Variants in KCND1 observed in about 807,000 individuals in gnomAD.
The protein encoded by KCND1 is A-type voltage-gated potassium channel KCND1.
Under a neutral mutation model 31.8 loss-of-function variants are expected in KCND1, and 11 were observed. The observed-to-expected ratio is 0.35, with a 90% CI of 0.22 to 0.57. The LOEUF (loss-of-function observed/expected upper bound fraction) is 0.57. KCND1 is among the 20% of genes least tolerant of loss of function. The probability of loss-of-function intolerance (pLI) is 0.85; values close to 1 mark genes in which losing one functional copy is unlikely to be tolerated. For missense variants in KCND1, 471 were observed against 596.8 expected, an observed-to-expected ratio of 0.79 and a Z score of 2.20; for synonymous variants, 234 against 248.1, an observed-to-expected ratio of 0.94 and a Z score of 0.53.
intron 5 of KCND1, among the ~76,000 whole-genome samples, chrX:48,964,325 T>C (rs1430944317): frequency 9.0e-6 from 1 of 111,413 alleles, no homozygotes; most frequent in African/African-American, 3.3e-5. Flanking sequence ...GAGACCAGCC[T>C]GGCCAACATG....
chrX:48,966,446 C>A, intron 4 of KCND1, 132 bp downstream of exon 4: 1 of 998,903 alleles, frequency 1.0e-6, no homozygotes, highest in South Asian at 2.3e-5. Context: ...GCTTGGCTCT[C>A]CTGTAGCCTC....
At position 48,970,583 on chromosome X, in the gene KCND1, A is replaced by C; in HGVS notation, c.-312T>G. On this transcript the variant is annotated 5_prime_UTR_variant, in exon 1 of 6. Coordinates refer to ENST00000218176, the MANE Select transcript of KCND1 (RefSeq NM_004979.6). Reference sequence around the variant, plus strand: ...AGGAGCTGAGGGAGGGTTTAGAGAGACTGAGATGATTCTAAAGGAGTCAGC... The same window carrying C: ...AGGAGCTGAGGGAGGGTTTAGAGAGCCTGAGATGATTCTAAAGGAGTCAGC... The C allele has an allele frequency of 8.1e-6, 2 of 247,665 alleles. No homozygotes were observed. The highest frequency in any genetic ancestry group is 7.6e-5 in the East Asian group (1 of 13,229). The allele number at this position is 247,665 out of a possible 1,213,427, so 20.4% of individuals were successfully genotyped here. A position where few individuals can be genotyped will look rare whatever the true frequency, so the allele number is the denominator to read the frequency against.
In KCND1 at chrX:48,969,471, G is replaced by A. The variant is rs970331155; in HGVS notation, c.801C>T (p.Ile267=). The A allele has an allele frequency of 2.1e-5, 25 of 1,209,896 alleles. No individual in the cohort carries two copies. Among genetic ancestry groups the A allele is most frequent in the Admixed American group, 1.7e-4 (8 of 45,808 alleles). ...CRFLRSVMSL[I]DVVAILPYYI... is the part of the protein sequence containing the mutation. ...AGTAGGGCAGGATGGCCACCACGTC[G>A]ATGAGGCTCATGACACTCCGCAGGA... Residue 267 remains isoleucine (I), a synonymous_variant, in exon 1 of 6, where the codon ATC becomes ATT. Transcript: ENST00000218176.
rs372168874 is a variant in KCND1 at position 48,966,643 on chromosome X, C to T, written c.1402G>A (p.Val468Ile). 56 of 1,210,156 alleles carry T rather than the reference C, an allele frequency of 4.6e-5. No individual in the cohort carries two copies. Among genetic ancestry groups the T allele is most frequent in the Non-Finnish European group, 6.0e-5 (54 of 894,788 alleles). Residue 468 changes from valine (V) to isoleucine (I), a missense_variant, in exon 4 of 6, where the codon GTC (valine) becomes ATC (isoleucine). Val to Ile is a conservative substitution (Grantham distance 29, BLOSUM62 3). Transcript: ENST00000218176. ...TGTTCAAAGGCAGAACGGTTCCTGA[C>T]ACAAAGAGCCTGTTCCTCGCCACTG... ...SGSGEEQALC[V>I]RNRSAFEQQH...
intron 5 of KCND1, among the ~76,000 whole-genome samples, chrX:48,965,055 T>G (rs2064346028): frequency 1.0e-5 from 1 of 99,499 alleles, no homozygotes; most frequent in Non-Finnish European, 2.0e-5. Flanking sequence ...GCTGTATGCT[T>G]TTTTTTTTTT....
chrX:48,965,053 C>CTTT (rs1181879673), intron 5 of KCND1, among the ~76,000 whole-genome samples: 1 of 84,044 alleles, frequency 1.2e-5, no homozygotes, highest in Non-Finnish European at 2.4e-5. Flanking sequence ...CTGCTGTATG[C>CTTT]TTTTTTTTTT....
At chrX:48,962,996 C>G (rs1043257825) in intron 5 of KCND1, among the ~76,000 whole-genome samples, 190 bp from the exon 6 acceptor site, 7 of 109,943 alleles carry the variant, frequency 6.4e-5, no homozygotes, top group African/African-American at 2.3e-4. Flanking sequence ...ATTAGCTGGG[C>G]ATGGTGGCGC....
chrX:48,965,316 G>A (rs1422000321), intron 5 of KCND1, among the ~76,000 whole-genome samples: 2 of 111,710 alleles, frequency 1.8e-5, no homozygotes, highest in South Asian at 3.7e-4. Flanking sequence ...CTCCCAAAGT[G>A]GTGGGATAAT....
intron 4 of KCND1, 50 bp downstream of exon 4, chrX:48,966,528 C>T (rs782227229): frequency 2.6e-5 from 29 of 1,111,961 alleles, no homozygotes; most frequent in Non-Finnish European, 3.4e-5. Context: ...CTGGCATGGC[C>T]GCAGAGGGAC....
intron 5 of KCND1, among the ~76,000 whole-genome samples, chrX:48,964,858 C>T (rs1300810326): frequency 4.9e-5 from 5 of 103,001 alleles, no homozygotes; most frequent in African/African-American, 1.1e-4. Flanking sequence ...CCCGTCTCTA[C>T]TAAAAATACA....
rs1557058459 is a variant in KCND1, at chrX:48,969,464, C to G, written c.808G>C (p.Val270Leu). The G allele has an allele frequency of 2.5e-6, 3 of 1,211,488 alleles. No individual in the cohort carries two copies. The South Asian group carries it at 5.3e-5, about 21-fold the overall frequency. The change falls in exon 1 of 6, where the codon GTG becomes CTG. Residue 270 changes from valine to leucine, a missense_variant. Val to Leu is a conservative substitution (Grantham distance 32). Coordinates refer to ENST00000218176, the MANE Select transcript of KCND1 (RefSeq NM_004979.6). ...CCAATGTAGTAGGGCAGGATGGCCA[C>G]CACGTCGATGAGGCTCATGACACTC... ...LRSVMSLIDV[V>L]AILPYYIGLL...
chrX:48,966,630 G>T lies in KCND1; in HGVS notation c.1415C>A (p.Ser472Tyr). ...EEQALCVRNR[S>Y]AFEQQHHHLL... ...GTGGTGATGTTGCTGTTCAAAGGCA[G>T]AACGGTTCCTGACACAAAGAGCCTG... The change falls in exon 4 of 6, where the codon TCT becomes TAT. Residue 472 changes from serine (S) to tyrosine (Y), a missense_variant. Physicochemically the swap from Ser to Tyr is moderately radical, Grantham distance 144. Transcript: ENST00000218176. 1 of 1,210,376 alleles carries T rather than the reference G, an allele frequency of 8.3e-7. No homozygotes were observed. The highest frequency in any genetic ancestry group is 3.0e-5 in the East Asian group (1 of 33,800).
rs915022387 is a variant in KCND1, at chrX:48,971,733, G to A, written c.-1462C>T. ...TCCCCCTCCCCCTCTCTCTCGGGGC[G>A]TCCTCACCTGTGTCCCCGCTGCAGG... On this transcript the variant is annotated 5_prime_UTR_variant, in exon 1 of 6. The change creates a new upstream start codon in the 5' untranslated region. Coordinates refer to ENST00000218176, the MANE Select transcript of KCND1 (RefSeq NM_004979.6). Among the ~76,000 whole-genome samples the A allele has an allele frequency of 9.9e-5, 11 of 110,862 alleles. No individual in the cohort carries two copies. The highest frequency in any genetic ancestry group is 1.5e-4 in the Non-Finnish European group (8 of 52,601).
rs1371976000 is a variant in KCND1, at chrX:48,970,839, G to A, written c.-568C>T. Reference sequence around the variant, plus strand: ...GGGGCTGAGACAGGTGAGGAGGGTTGTCCACACCCTCAAGACTTCTAGGGG... The same window carrying A: ...GGGGCTGAGACAGGTGAGGAGGGTTATCCACACCCTCAAGACTTCTAGGGG... On this transcript the variant is annotated 5_prime_UTR_variant, in exon 1 of 6. Transcript: ENST00000218176. The A allele has an allele frequency of 2.7e-5, 3 of 110,527 alleles. No homozygotes were observed. Among genetic ancestry groups the A allele is most frequent in the African/African-American group, 9.9e-5 (3 of 30,226 alleles). 9.1% of individuals were successfully genotyped at this position (110,527 alleles called of 1,213,427 possible).
chrX:48,970,175 C>A lies in KCND1; in HGVS notation c.97G>T (p.Val33Leu). 8.3e-7 allele frequency: 1 copy of A among 1,209,992 alleles called. No homozygotes were observed. The highest frequency in any genetic ancestry group is 1.1e-6 in the Non-Finnish European group (1 of 894,703). Residue 33 changes from valine to leucine, a missense_variant, in exon 1 of 6, where the codon GTG becomes TTG. By Grantham distance (32) the Val-to-Leu change is conservative. Transcript: ENST00000218176. The part of the protein sequence containing the change: ...AQQPLPPAPG[V>L]KASRGDEVLV... Reference sequence around the variant, plus strand: ...ACCTCATCTCCTCGAGATGCCTTCACCCCCGGTGCCGGGGGCAGGGGTTGC... The same window carrying A: ...ACCTCATCTCCTCGAGATGCCTTCAACCCCGGTGCCGGGGGCAGGGGTTGC...
chrX:48,965,996 C>T, intron 5 of KCND1, 59 bp downstream of exon 5: 1 of 1,156,112 alleles, frequency 8.6e-7, no homozygotes, highest in Non-Finnish European at 1.2e-6. Context: ...AATCTCAGAG[C>T]TACTGGTCTA....
rs1347289250 is a variant in KCND1 at position 48,962,353 on chromosome X, C to T, written c.*228G>A. The T allele has an allele frequency of 7.4e-6, 3 of 403,182 alleles. No homozygotes were observed. The highest frequency in any genetic ancestry group is 5.0e-5 in the African/African-American group (2 of 39,771). 33.2% of individuals were successfully genotyped at this position (403,182 alleles called of 1,213,427 possible). A position where few individuals can be genotyped will look rare whatever the true frequency, so the allele number is the denominator to read the frequency against. ...AAGGAGGCCAGGGGCCTGTGGAAGC[C>T]CAGTGCTTCAGCTCCCACCAGGAAA... On this transcript the variant is annotated 3_prime_UTR_variant, in exon 6 of 6. Coordinates refer to ENST00000218176, the MANE Select transcript of KCND1 (RefSeq NM_004979.6).
rs782744718 is a variant in KCND1, at chrX:48,966,233, G to A, written c.1540C>T (p.Arg514Cys). Residue 514 changes from arginine (R) to cysteine (C), a missense_variant, in exon 5 of 6, where the codon CGT becomes TGT. Coordinates refer to ENST00000218176, the MANE Select transcript of KCND1 (RefSeq NM_004979.6). ...GGCTGGGAAGACACAGAGGTGCTAC[G>A]GCTGGTGCGGCCACCCGGCGAGACG... ...GAVSPGGRTS[R>C]STSVSSQPVG... 13 of 1,202,904 alleles carry A rather than the reference G, an allele frequency of 1.1e-5. No individual in the cohort carries two copies. In the South Asian group the frequency reaches 1.6e-4, roughly 15 times the overall value.
At position 48,970,612 on chromosome X, in the gene KCND1, T is replaced by G. The variant is rs2064382932; in HGVS notation, c.-341A>C. On this transcript the variant is annotated 5_prime_UTR_variant, in exon 1 of 6. Transcript: ENST00000218176. ...AGATGATTCTAAAGGAGTCAGCCTG[T>G]GCCTGAGAGGTGTCTGGGGGCGTCT... The G allele has an allele frequency of 5.4e-6, 1 of 185,413 alleles. No homozygotes were observed. Among genetic ancestry groups the G allele is most frequent in the Non-Finnish European group, 9.8e-6 (1 of 101,807 alleles). 15.3% of individuals were successfully genotyped at this position (185,413 alleles called of 1,213,427 possible).
Sources: allele counts gnomAD v4.1 joint callset (sites outside exome capture counted in the v4.1 genomes callset), GRCh38; gene constraint gnomAD v4.1.1; transcripts MANE v1.5; gene names NCBI Gene and HGNC (gene_info 2026-07-23, HGNC 2026-07-21).